PINX1: variants seen among roughly 807,000 people sequenced by gnomAD.
PINX1 encodes the protein PIN2 (TERF1) interacting telomerase inhibitor 1.
In PINX1, 34 loss-of-function variants were observed where a neutral mutation model predicts 25.4. The ratio of observed to expected loss-of-function variants is 1.34; its 90% CI spans 1.02 to 1.78. The LOEUF (loss-of-function observed/expected upper bound fraction) is 1.78. Ranked by LOEUF, PINX1 falls within the 40% of genes most tolerant of loss-of-function variation. The probability of loss-of-function intolerance (pLI) is 0.00; values close to 1 mark genes in which losing one functional copy is unlikely to be tolerated. For synonymous variants in PINX1, 197 were observed against 147.7 expected (o/e 1.33, Z -2.42); for missense variants, 592 against 404.9 (o/e 1.46, Z -3.97).
intron 6 of PINX1, among the ~76,000 whole-genome samples, chr8:10,772,769 C>G (rs1801268932): frequency 1.3e-5 from 2 of 152,328 alleles, no homozygotes; most frequent in South Asian, 4.1e-4. Flanking sequence ...AATTATGCAG[C>G]AACTCAATTG....
chr8:10,813,224 G>A (rs1026187524), intron 6 of PINX1, among the ~76,000 whole-genome samples: 2 of 152,166 alleles, frequency 1.3e-5, no homozygotes, highest in Non-Finnish European at 2.9e-5. Flanking sequence ...TCCAGATGTG[G>A]AGTGGGGGGA....
In PINX1 at chr8:10,797,115, G is replaced by C. The variant is rs73208755; in HGVS notation, c.471+23078C>G. On this transcript the variant is annotated intron_variant, in intron 6 of 6. Coordinates refer to ENST00000314787, the MANE Select transcript of PINX1 (RefSeq NM_017884.6). Reference sequence around the variant, plus strand: ...CCAGTACAGTAAAGCGGGTGACGGAGAGTGTTGCTGCCGTGGAGGGAGAAG... The same window carrying C: ...CCAGTACAGTAAAGCGGGTGACGGACAGTGTTGCTGCCGTGGAGGGAGAAG... Among the ~76,000 whole-genome samples, 1,087 of 152,246 alleles carry C rather than the reference G, an allele frequency of 7.1e-3. 9 individuals carry two copies. The highest frequency in any genetic ancestry group is 0.011 in the Non-Finnish European group (754 of 68,018).
intron 6 of PINX1, among the ~76,000 whole-genome samples, chr8:10,771,653 T>C (rs1372130446): frequency 6.6e-6 from 1 of 152,174 alleles, no homozygotes; most frequent in African/African-American, 2.4e-5. Context: ...ACCAAGGCTG[T>C]GAAGAGCTCC....
chr8:10,830,076 C>G (rs1210740542), intron 4 of PINX1, among the ~76,000 whole-genome samples: 1 of 152,226 alleles, frequency 6.6e-6, no homozygotes, highest in Non-Finnish European at 1.5e-5. Flanking sequence ...TTGAACTTTA[C>G]TACTTCATAG....
chr8:10,786,220 T>C (rs1801743123), intron 6 of PINX1, among the ~76,000 whole-genome samples: 1 of 152,246 alleles, frequency 6.6e-6, no homozygotes, highest in South Asian at 2.1e-4. Flanking sequence ...TTAGGTGAAT[T>C]TCTTGGGACT....
intron 6 of PINX1, among the ~76,000 whole-genome samples, chr8:10,808,420 T>G (rs1376026512): frequency 6.6e-6 from 1 of 152,216 alleles, no homozygotes; most frequent in African/African-American, 2.4e-5. Flanking sequence ...CGGAGCTTAA[T>G]TTTTTTACAT....
chr8:10,786,817 C>T (rs1801763084), intron 6 of PINX1, among the ~76,000 whole-genome samples: 1 of 152,230 alleles, frequency 6.6e-6, no homozygotes, highest in Non-Finnish European at 1.5e-5. Context: ...CAGGAACCAA[C>T]CTGCAAACTG....
chr8:10,828,084 T>C (rs1294658060), intron 4 of PINX1, among the ~76,000 whole-genome samples: 1 of 151,902 alleles, frequency 6.6e-6, no homozygotes, highest in East Asian at 1.9e-4. Context: ...AAGGTATAGT[T>C]CCCTATGGGA....
At chr8:10,796,779 G>A (rs1034629805) in intron 6 of PINX1, among the ~76,000 whole-genome samples, 3 of 151,496 alleles carry the variant, frequency 2.0e-5, no homozygotes, top group African/African-American at 7.3e-5. Flanking sequence ...TTAAGTTTTA[G>A]AGATGAACCA....
intron 5 of PINX1, chr8:10,825,509 C>T (rs1798009000): frequency 1.9e-6 from 1 of 529,966 alleles, no homozygotes; most frequent in Non-Finnish European, 3.9e-6. Flanking sequence ...TGCAAGATCG[C>T]CACCTAGTGG....
chr8:10,768,171 G>A (rs1416655580), intron 6 of PINX1, among the ~76,000 whole-genome samples: 2 of 152,158 alleles, frequency 1.3e-5, no homozygotes, highest in Non-Finnish European at 2.9e-5. Context: ...CAGACTCGGT[G>A]ACGACGGCTG....
intron 6 of PINX1, among the ~76,000 whole-genome samples, chr8:10,812,980 C>T (rs1438613804): frequency 6.6e-6 from 1 of 152,234 alleles, no homozygotes; most frequent in Non-Finnish European, 1.5e-5. Context: ...CTGTACATAT[C>T]TTCCTAAGCT....
intron 6 of PINX1, among the ~76,000 whole-genome samples, chr8:10,814,228 T>C (rs1328888723): frequency 6.6e-6 from 1 of 152,154 alleles, no homozygotes; most frequent in African/African-American, 2.4e-5. Context: ...AACTTGGAAA[T>C]TAGAAATGTG....
rs114538712 is a variant in PINX1 at position 10,808,667 on chromosome 8, A to G, written c.471+11526T>C. The stretch of plus-strand genomic sequence containing the variant: ...TAGAGCCAAGATTTTAACTCACGCA[A>G]TGTGGACCAGAAGCTGGAGATCTTA... On this transcript the variant is annotated intron_variant, in intron 6 of 6. Coordinates refer to ENST00000314787, the MANE Select transcript of PINX1 (RefSeq NM_017884.6). Among the ~76,000 whole-genome samples the G allele has an allele frequency of 7.9e-3, 1,200 of 152,348 alleles. 18 individuals are homozygous for G. The highest frequency in any genetic ancestry group is 0.027 in the African/African-American group (1,136 of 41,576).
At chr8:10,825,057 G>T (rs78874391) in intron 5 of PINX1, among the ~76,000 whole-genome samples, 1 of 152,300 alleles carries the variant, frequency 6.6e-6, no homozygotes, top group African/African-American at 2.4e-5. Context: ...GCTGGAGAGG[G>T]AAGGGAGGCC....
chr8:10,768,467 A>T (rs910873488), intron 6 of PINX1, among the ~76,000 whole-genome samples: 1 of 152,220 alleles, frequency 6.6e-6, no homozygotes, highest in Non-Finnish European at 1.5e-5. Context: ...GAAAGTAAGT[A>T]TGCTCATATG....
At chr8:10,819,765 G>C (rs971466769) in intron 6 of PINX1, among the ~76,000 whole-genome samples, 3 of 152,172 alleles carry the variant, frequency 2.0e-5, no homozygotes, top group Admixed American at 6.5e-5. Context: ...CTGTTAGAAT[G>C]GGACAGGCTG....
At chr8:10,796,073 A>C (rs566877219) in intron 6 of PINX1, among the ~76,000 whole-genome samples, 72 of 152,330 alleles carry the variant, frequency 4.7e-4, no homozygotes, top group Non-Finnish European at 8.1e-4. Context: ...AAGAGCTTAG[A>C]GATTTGGAGA....
intron 6 of PINX1, among the ~76,000 whole-genome samples, 171 bp downstream of exon 6, chr8:10,820,022 T>C (rs1435131230): frequency 6.6e-6 from 1 of 152,184 alleles, no homozygotes; most frequent in African/African-American, 2.4e-5. Flanking sequence ...TAAAACATTA[T>C]CTACCCACTA....
Sources: allele counts gnomAD v4.1 joint callset (sites outside exome capture counted in the v4.1 genomes callset), GRCh38; gene constraint gnomAD v4.1.1; transcripts MANE v1.5; gene names NCBI Gene and HGNC (gene_info 2026-07-23, HGNC 2026-07-21).